Variants in USP54 observed in about 807,000 individuals in gnomAD.
The protein encoded by USP54 is ubiquitin carboxyl-terminal hydrolase 54.
Under a neutral mutation model 170.5 loss-of-function variants are expected in USP54, and 87 were observed. That is an observed-to-expected ratio of 0.51 (90% CI 0.43 to 0.61). The LOEUF (loss-of-function observed/expected upper bound fraction) is 0.61. USP54 is among the 20% of genes least tolerant of loss of function. USP54 has a pLI of 0.00. For missense variants in USP54, 1,786 were observed against 2,047.8 expected (o/e 0.87, Z 2.47); for synonymous variants, 655 against 742.8 (o/e 0.88, Z 1.92).
chr10:73,532,950 G>A (rs751704409), intron 12 of USP54, among the ~76,000 whole-genome samples: 76 of 152,126 alleles, frequency 5.0e-4, no homozygotes, highest in Non-Finnish European at 4.9e-4. Context: ...ACTTATAAGT[G>A]GATATGTGAA....
intron 7 of USP54, among the ~76,000 whole-genome samples, chr10:73,542,130 C>T (rs974448397): frequency 2.0e-5 from 3 of 152,146 alleles, no homozygotes; most frequent in Admixed American, 6.5e-5. Context: ...GACAGGGTCT[C>T]GCTCTGTTAC....
Position 73,505,422 on chromosome 10 carries a change from A to G in USP54, c.4056T>C (p.Ser1352=). The G allele has an allele frequency of 6.2e-7, 1 of 1,613,768 alleles. No homozygotes were observed. The highest frequency in any genetic ancestry group is 8.5e-7 in the Non-Finnish European group (1 of 1,179,816). ...GCAACCTCCTCCCCATGCCATCTGC[A>G]GAGCCTGAAGAGGAAAACACAAATA... ...TAWHPLSQTG[S]ADGMGRRLHS... The change falls in exon 21 of 24, where the codon TCT becomes TCC. Residue 1352 remains serine, a synonymous_variant. Coordinates refer to ENST00000687698, the MANE Select transcript of USP54 (RefSeq NM_001391956.1).
At chr10:73,511,545 A>G (rs1564634346) in intron 20 of USP54, among the ~76,000 whole-genome samples, 3 of 151,286 alleles carry the variant, frequency 2.0e-5, no homozygotes, top group Admixed American at 2.0e-4. Context: ...CTGTAATCCC[A>G]GCTACTTGGG....
chr10:73,521,207 C>T (rs980886436), intron 17 of USP54, among the ~76,000 whole-genome samples, 180 bp from the exon 18 acceptor site: 1 of 152,146 alleles, frequency 6.6e-6, no homozygotes, highest in African/African-American at 2.4e-5. Flanking sequence ...TTGCCTTAAC[C>T]AAGATGTTAC....
At chr10:73,503,745 GTTTTT>G (rs2058584101) in intron 22 of USP54, among the ~76,000 whole-genome samples, 1 of 152,024 alleles carries the variant, frequency 6.6e-6, no homozygotes, top group South Asian at 2.1e-4. Context: ...GTTTTGTTTT[GTTTTT>G]GAGACAGAGT....
At chr10:73,546,204 CTTGT>C (rs1188732716) in intron 4 of USP54, among the ~76,000 whole-genome samples, 2 of 152,148 alleles carry the variant, frequency 1.3e-5, no homozygotes, top group South Asian at 4.1e-4. Flanking sequence ...ATGCTAAAGT[CTTGT>C]TTAAGACTGC....
At chr10:73,564,644 C>G (rs757882381) in intron 4 of USP54, among the ~76,000 whole-genome samples, 32 of 152,142 alleles carry the variant, frequency 2.1e-4, no homozygotes, top group Non-Finnish European at 3.8e-4. Context: ...GTTCCAGGTT[C>G]CCTTGTGGGT....
intron 12 of USP54, among the ~76,000 whole-genome samples, chr10:73,534,396 G>A (rs999953839): frequency 3.9e-5 from 6 of 151,914 alleles, no homozygotes; most frequent in African/African-American, 1.5e-4. Flanking sequence ...ATTTTTAGTA[G>A]AGACGGAGTT....
chr10:73,590,741 T>C (rs1359287669), intron 1 of USP54, among the ~76,000 whole-genome samples: 2 of 152,194 alleles, frequency 1.3e-5, no homozygotes, highest in Non-Finnish European at 2.9e-5. Context: ...AACCATCTCT[T>C]AGAATTGACA....
At chr10:73,622,805 T>A (rs962511532) in intron 1 of USP54, among the ~76,000 whole-genome samples, 4 of 151,744 alleles carry the variant, frequency 2.6e-5, no homozygotes, top group African/African-American at 9.7e-5. Context: ...GTACAAAAAT[T>A]AGCCAAGCAC....
intron 4 of USP54, among the ~76,000 whole-genome samples, chr10:73,549,368 G>A (rs1480189238): frequency 6.6e-6 from 1 of 152,168 alleles, no homozygotes; most frequent in Non-Finnish European, 1.5e-5. Context: ...CCAACCTAAT[G>A]TATCTAACTA....
rs1402476268 is a variant in USP54 at position 73,504,949 on chromosome 10, A to G, written c.4212T>C (p.Asp1404=). ...CRGLSRECGE[D]EQYSAENLRR... is the part of the protein sequence containing the mutation. The stretch of plus-strand genomic sequence containing the variant: ...GTAAATTCTCTGCACTGTACTGCTC[A>G]TCCTCCCCACACTCCCTGCTGAGGC... Residue 1404 remains aspartate (D), a synonymous_variant, in exon 22 of 24, where the codon GAT becomes GAC. Coordinates refer to ENST00000687698, the MANE Select transcript of USP54 (RefSeq NM_001391956.1). 2 of 1,613,980 alleles carry G rather than the reference A, an allele frequency of 1.2e-6. No homozygotes were observed. Among genetic ancestry groups the G allele is most frequent in the African/African-American group, 2.7e-5 (2 of 74,880 alleles).
intron 1 of USP54, among the ~76,000 whole-genome samples, chr10:73,605,402 CTGTAGTCTCAGCTACT>C (rs1481454248): frequency 1.3e-5 from 2 of 151,906 alleles, no homozygotes; most frequent in African/African-American, 4.8e-5. Flanking sequence ...TGGTGTGTGC[CTGTAGTCTCAGCTACT>C]TGGGAAGCTG....
At chr10:73,523,867 T>A in intron 16 of USP54, 117 bp from the exon 17 acceptor site, 1 of 380,504 alleles carries the variant, frequency 2.6e-6, no homozygotes, top group Non-Finnish European at 4.2e-6. Context: ...ATTTGGAGTT[T>A]ATTTATTTAT....
chr10:73,530,889 T>C lies in USP54; in HGVS notation c.1316-54A>G, dbSNP rs1176344573. 6.2e-6 allele frequency: 10 copies of C among 1,607,176 alleles called. No individual in the cohort carries two copies. In the African/African-American group the frequency reaches 1.2e-4, roughly 19 times the overall value. On this transcript the variant is annotated intron_variant, in intron 12 of 23. Transcript: ENST00000687698. ...TGGTATCTGAGACTAACCTCCACCC[T>C]CCTGAGAACCTACCTAATCTCCCTT...
chr10:73,580,056 G>A (rs1226921498), intron 1 of USP54, among the ~76,000 whole-genome samples: 5 of 152,154 alleles, frequency 3.3e-5, no homozygotes, highest in Admixed American at 3.3e-4. Context: ...AGGTGCAGTA[G>A]TTCACGCCTG....
At chr10:73,514,022 G>A (rs1370649520) in intron 20 of USP54, among the ~76,000 whole-genome samples, 9 of 151,892 alleles carry the variant, frequency 5.9e-5, no homozygotes, top group Non-Finnish European at 1.3e-4. Flanking sequence ...TCACCATGTT[G>A]GCCAGGCTGG....
intron 4 of USP54, among the ~76,000 whole-genome samples, chr10:73,564,830 A>G (rs2073899747): frequency 6.7e-6 from 1 of 149,904 alleles, no homozygotes; most frequent in South Asian, 2.1e-4. Flanking sequence ...TGAGAGGCCA[A>G]GGTGGGAAGA....
intron 20 of USP54, chr10:73,506,362 T>C (rs2059129048): frequency 1.3e-5 from 2 of 152,200 alleles, no homozygotes; most frequent in East Asian, 1.9e-4. Flanking sequence ...TTACCTCTTT[T>C]CAAAATCTTT....
Sources: allele counts gnomAD v4.1 joint callset (sites outside exome capture counted in the v4.1 genomes callset), GRCh38; gene constraint gnomAD v4.1.1; transcripts MANE v1.5; gene names NCBI Gene and HGNC (gene_info 2026-07-23, HGNC 2026-07-21).